The following PDE3A variants were observed in gnomAD, a reference collection of about 807,000 sequenced individuals.
PDE3A encodes the protein cGMP-inhibited 3',5'-cyclic phosphodiesterase 3A.
Under a neutral mutation model 98.3 loss-of-function variants are expected in PDE3A, and 43 were observed. The ratio of observed to expected loss-of-function variants is 0.44; its 90% CI spans 0.34 to 0.56. The LOEUF is 0.56. PDE3A is among the 20% of genes least tolerant of loss of function. PDE3A has a pLI of 0.01. For synonymous variants in PDE3A, 663 were observed against 567.9 expected (o/e 1.17, Z -2.38); for missense variants, 1,427 against 1,440.7 (o/e 0.99, Z 0.15).
chr12:20,382,079 G>A (rs1943673228), intron 1 of PDE3A, among the ~76,000 whole-genome samples: 1 of 151,748 alleles, frequency 6.6e-6, no homozygotes, highest in African/African-American at 2.4e-5. Flanking sequence ...GTTTATTGTA[G>A]TTCTCAAAAT....
At chr12:20,385,995 AATATATATATAAATATATATAAAAT>A (rs1565532306) in intron 1 of PDE3A, among the ~76,000 whole-genome samples, 2 of 105,540 alleles carry the variant, frequency 1.9e-5, no homozygotes, top group Admixed American at 1.4e-4. Context: ...ATATATATAA[AATATATATATAAATATATATAAAAT>A]ATATATATAA....
chr12:20,458,906 G>A (rs182327853), intron 1 of PDE3A, among the ~76,000 whole-genome samples: 64 of 152,258 alleles, frequency 4.2e-4, no homozygotes, highest in South Asian at 8.3e-4. Flanking sequence ...TTCACAGAAT[G>A]ATTGAAAAAT....
rs889447554 is a variant in PDE3A at position 20,687,875 on chromosome 12, C to T, written c.*7604C>T. Among the ~76,000 whole-genome samples, 4 of 120,184 alleles carry T rather than the reference C, an allele frequency of 3.3e-5. No individual in the cohort carries two copies. The highest frequency in any genetic ancestry group is 9.5e-5 in the African/African-American group (3 of 31,450). The allele number at this position is 120,184 out of a possible 152,430, so 78.8% of individuals were successfully genotyped here. The stretch of plus-strand genomic sequence containing the variant: ...GTATTAAAATGTGCTCTGATTTCTG[C>T]GGGCATTTGTTCTGACCAGTCATTA... On this transcript the variant is annotated 3_prime_UTR_variant, in exon 16 of 16. Coordinates refer to ENST00000359062, the MANE Select transcript of PDE3A (RefSeq NM_000921.5).
intron 1 of PDE3A, among the ~76,000 whole-genome samples, chr12:20,373,700 A>G (rs1244207302): frequency 1.3e-5 from 2 of 152,122 alleles, no homozygotes; most frequent in Admixed American, 1.3e-4. Context: ...CCGTTAATGC[A>G]TTTGTACCAC....
At chr12:20,509,883 G>A (rs1157125116) in intron 1 of PDE3A, among the ~76,000 whole-genome samples, 1 of 151,976 alleles carries the variant, frequency 6.6e-6, no homozygotes, top group Non-Finnish European at 1.5e-5. Context: ...TCATAAATTT[G>A]ATAGGTGGAA....
At chr12:20,431,937 G>A (rs1944705933) in intron 1 of PDE3A, among the ~76,000 whole-genome samples, 3 of 152,162 alleles carry the variant, frequency 2.0e-5, no homozygotes, top group Admixed American at 6.5e-5. Context: ...GAAATTAAGT[G>A]GCCTGGTGAC....
At chr12:20,505,053 A>G (rs995550787) in intron 1 of PDE3A, among the ~76,000 whole-genome samples, 2 of 152,128 alleles carry the variant, frequency 1.3e-5, no homozygotes, top group Non-Finnish European at 1.5e-5. Flanking sequence ...CTTAGCAAAT[A>G]CAAGTGCTTA....
Position 20,546,065 on chromosome 12 carries a change from G to A in PDE3A, c.961-10595G>A, listed in dbSNP as rs922961792. On this transcript the variant is annotated intron_variant, in intron 1 of 15. Transcript: ENST00000359062. ...GTCACATCTGTTTTACCCACACGAG[G>A]CTGATGTGGTCTTCTAGTTTGTAAA... 3.2e-4 allele frequency among the ~76,000 whole-genome samples: 49 copies of A among 151,952 alleles called. 1 individual carries two copies. The highest frequency in any genetic ancestry group is 3.1e-4 in the Non-Finnish European group (21 of 67,938).
intron 15 of PDE3A, among the ~76,000 whole-genome samples, chr12:20,659,366 A>C (rs1945109039): frequency 6.6e-6 from 1 of 152,158 alleles, no homozygotes; most frequent in South Asian, 2.1e-4. Flanking sequence ...TAAAAGAATG[A>C]CTAGCCCTTC....
chr12:20,416,503 C>T (rs1253694541), intron 1 of PDE3A, among the ~76,000 whole-genome samples: 1 of 152,094 alleles, frequency 6.6e-6, no homozygotes, highest in Non-Finnish European at 1.5e-5. Context: ...ATTAAGCAGC[C>T]GCTATGTGCC....
At chr12:20,481,931 A>AT (rs1444661830) in intron 1 of PDE3A, among the ~76,000 whole-genome samples, 1 of 147,424 alleles carries the variant, frequency 6.8e-6, no homozygotes, top group Admixed American at 6.6e-5. Flanking sequence ...CGCCCAGCTA[A>AT]TTTTTTGTAT....
At chr12:20,449,662 T>A in intron 1 of PDE3A, 11 of 417,908 alleles carry the variant, frequency 2.6e-5, no homozygotes, top group Middle Eastern at 7.3e-4. Flanking sequence ...CTTTTCCCCC[T>A]ATTTCTCTGT....
At chr12:20,436,707 G>A (rs1439622808) in intron 1 of PDE3A, among the ~76,000 whole-genome samples, 1 of 152,212 alleles carries the variant, frequency 6.6e-6, no homozygotes, top group African/African-American at 2.4e-5. Context: ...CAAGAGATCA[G>A]GTGGTTTTAT....
intron 1 of PDE3A, among the ~76,000 whole-genome samples, chr12:20,459,684 C>CA (rs1479724388): frequency 6.6e-6 from 1 of 152,104 alleles, no homozygotes; most frequent in Non-Finnish European, 1.5e-5. Flanking sequence ...ATATATACTT[C>CA]AAAAGTTTTC....
chr12:20,419,271 TA>T lies in PDE3A; in HGVS notation c.960+49028del, dbSNP rs202101466. On this transcript the variant is annotated intron_variant, in intron 1 of 15. Coordinates refer to ENST00000359062, the MANE Select transcript of PDE3A (RefSeq NM_000921.5). ...CTTAAATGCCGTTTCTTTTTTATTT[TA>T]TTTTTTTTGCTTATACCAGGTGAAA... 7.9e-3 allele frequency among the ~76,000 whole-genome samples: 1,209 copies of T among 152,168 alleles called. 11 individuals carry two copies. Among genetic ancestry groups the T allele is most frequent in the African/African-American group, 0.026 (1,092 of 41,508 alleles).
Position 20,665,779 on chromosome 12 carries a change from T to A in PDE3A, c.3184+11574T>A, listed in dbSNP as rs555165819. On this transcript the variant is annotated intron_variant, in intron 15 of 15. Coordinates refer to ENST00000359062, the MANE Select transcript of PDE3A (RefSeq NM_000921.5). The stretch of plus-strand genomic sequence containing the variant: ...ATTCCAAGTAGGCATAGAGTGCTCT[T>A]ATGTTATAGTTTTCATTTGCATTTC... Among the ~76,000 whole-genome samples, 4 of 152,236 alleles carry A rather than the reference T, an allele frequency of 2.6e-5. No individual in the cohort carries two copies. The East Asian group carries it at 7.7e-4, about 29-fold the overall frequency.
At chr12:20,555,130 T>A (rs1016216741) in intron 1 of PDE3A, among the ~76,000 whole-genome samples, 6 of 151,726 alleles carry the variant, frequency 4.0e-5, no homozygotes, top group African/African-American at 1.5e-4. Context: ...TTCAAGCAAT[T>A]CCCCCGCCTC....
intron 15 of PDE3A, among the ~76,000 whole-genome samples, chr12:20,674,422 C>T (rs1264898238): frequency 5.9e-5 from 9 of 152,136 alleles, no homozygotes; most frequent in Non-Finnish European, 8.8e-5. Context: ...ATGATATTAG[C>T]TGTGGTTTTA....
At chr12:20,588,033 G>T (rs1943233701) in intron 2 of PDE3A, among the ~76,000 whole-genome samples, 1 of 152,168 alleles carries the variant, frequency 6.6e-6, no homozygotes, top group African/African-American at 2.4e-5. Context: ...TTTTTTAAAG[G>T]CTACTTTGCT....
Sources: allele counts gnomAD v4.1 joint callset (sites outside exome capture counted in the v4.1 genomes callset), GRCh38; gene constraint gnomAD v4.1.1; transcripts MANE v1.5; gene names NCBI Gene and HGNC (gene_info 2026-07-23, HGNC 2026-07-21).